MED27: variants seen among roughly 807,000 people sequenced by gnomAD.
The protein encoded by MED27 is mediator of RNA polymerase II transcription subunit 27.
Under a neutral mutation model 38.2 loss-of-function variants are expected in MED27, and 30 were observed. The ratio of observed to expected loss-of-function variants is 0.79; its 90% CI spans 0.59 to 1.07. The LOEUF (loss-of-function observed/expected upper bound fraction) is 1.07. Ranked by LOEUF, MED27 falls within the 50% of genes least tolerant of loss-of-function variation. The pLI is 0.00. For synonymous variants in MED27, 122 were observed against 153.5 expected (o/e 0.79, Z 1.52); for missense variants, 289 against 397.5 (o/e 0.73, Z 2.32).
intron 4 of MED27, among the ~76,000 whole-genome samples, chr9:131,911,476 A>G (rs1447489647): frequency 6.6e-6 from 1 of 152,220 alleles, no homozygotes; most frequent in East Asian, 1.9e-4. Context: ...AAGAGAGACC[A>G]AATAAGGGTT....
intron 4 of MED27, among the ~76,000 whole-genome samples, chr9:131,934,551 G>A (rs532940337): frequency 1.4e-4 from 21 of 152,184 alleles, no homozygotes; most frequent in Admixed American, 3.3e-4. Context: ...ATCCAAAGAC[G>A]GGCAATAACA....
chr9:131,902,811 C>G (rs1038590621), intron 4 of MED27, among the ~76,000 whole-genome samples: 6 of 152,186 alleles, frequency 3.9e-5, no homozygotes, highest in Non-Finnish European at 8.8e-5. Context: ...AAAAATGAGG[C>G]AGACAAACTG....
intron 2 of MED27, among the ~76,000 whole-genome samples, chr9:132,050,508 G>GTTTT (rs1833441684): frequency 6.6e-6 from 1 of 152,194 alleles, no homozygotes; most frequent in South Asian, 2.1e-4. Flanking sequence ...CTCTGTAAAA[G>GTTTT]ACAGGGTCCA....
chr9:132,000,923 T>C (rs2131056720), intron 3 of MED27, among the ~76,000 whole-genome samples: 1 of 151,744 alleles, frequency 6.6e-6, no homozygotes, highest in East Asian at 2.0e-4. Flanking sequence ...CAGTATATGC[T>C]AGGCCATCTT....
chr9:132,076,351 T>C (rs1337604957), intron 2 of MED27, among the ~76,000 whole-genome samples: 1 of 152,150 alleles, frequency 6.6e-6, no homozygotes, highest in African/African-American at 2.4e-5. Flanking sequence ...AGGCTAAATG[T>C]ATGCATTCAA....
intron 3 of MED27, among the ~76,000 whole-genome samples, chr9:131,948,357 T>G: frequency 6.6e-6 from 1 of 151,754 alleles, no homozygotes; most frequent in Admixed American, 6.6e-5. Flanking sequence ...CATGGTGGCA[T>G]GCGCCTGTAA....
chr9:131,916,045 A>G (rs1358413395), intron 4 of MED27, among the ~76,000 whole-genome samples: 4 of 152,244 alleles, frequency 2.6e-5, no homozygotes, highest in African/African-American at 7.2e-5. Context: ...ACCATAGACC[A>G]TATTAGTGTA....
At chr9:131,903,265 T>A (rs568663373) in intron 4 of MED27, among the ~76,000 whole-genome samples, 25 of 152,340 alleles carry the variant, frequency 1.6e-4, no homozygotes, top group Non-Finnish European at 3.1e-4. Flanking sequence ...AGAGAGCTTG[T>A]GCAGAGAACA....
chr9:131,975,051 A>C lies in MED27; in HGVS notation c.480-35577T>G, dbSNP rs561031784. On this transcript the variant is annotated intron_variant, in intron 3 of 7. Transcript: ENST00000292035. ...TCATCTGTTTTCATGCTGACCTTTA[A>C]GCCAAAGCAAAAAGCCACGAAAAGA... Among the ~76,000 whole-genome samples, 3 of 152,352 alleles carry C rather than the reference A, an allele frequency of 2.0e-5. No individual in the cohort carries two copies. In the South Asian group the frequency reaches 6.2e-4, roughly 32 times the overall value.
At chr9:132,023,066 G>C (rs1832751158) in intron 2 of MED27, among the ~76,000 whole-genome samples, 1 of 152,186 alleles carries the variant, frequency 6.6e-6, no homozygotes, top group Admixed American at 6.5e-5. Flanking sequence ...TGCAATGCTA[G>C]AGCCCTAATA....
chr9:132,043,955 C>T (rs1833277314), intron 2 of MED27, among the ~76,000 whole-genome samples: 1 of 152,206 alleles, frequency 6.6e-6, no homozygotes, highest in African/African-American at 2.4e-5. Context: ...GAGACTCATA[C>T]ACCGTAGTCA....
chr9:131,898,470 C>T (rs1158219225), intron 4 of MED27, among the ~76,000 whole-genome samples: 1 of 152,204 alleles, frequency 6.6e-6, no homozygotes, highest in Non-Finnish European at 1.5e-5. Flanking sequence ...CCGCCCTCGG[C>T]CTCCCAAAGT....
At chr9:131,962,368 C>G (rs1236769222) in intron 3 of MED27, among the ~76,000 whole-genome samples, 1 of 152,198 alleles carries the variant, frequency 6.6e-6, no homozygotes, top group Non-Finnish European at 1.5e-5. Flanking sequence ...TCCTGAGTAG[C>G]TGGCATTACA....
chr9:131,902,382 T>C (rs140226909), intron 4 of MED27, among the ~76,000 whole-genome samples: 70 of 152,114 alleles, frequency 4.6e-4, no homozygotes, highest in African/African-American at 1.5e-3. Context: ...ACTGTAAAAT[T>C]GGATACAACC....
intron 4 of MED27, among the ~76,000 whole-genome samples, chr9:131,936,604 G>T (rs1198970478): frequency 6.6e-6 from 1 of 152,238 alleles, no homozygotes; most frequent in African/African-American, 2.4e-5. Flanking sequence ...GGGATGGAAG[G>T]CGGTTAATAC....
chr9:132,047,653 T>G (rs1406904890), intron 2 of MED27, among the ~76,000 whole-genome samples: 1 of 152,180 alleles, frequency 6.6e-6, no homozygotes, highest in African/African-American at 2.4e-5. Flanking sequence ...AATATGTGTA[T>G]CAGTGGTAAA....
At chr9:131,942,951 C>T (rs1270804613) in intron 3 of MED27, among the ~76,000 whole-genome samples, 1 of 152,044 alleles carries the variant, frequency 6.6e-6, no homozygotes, top group African/African-American at 2.4e-5. Context: ...AAATAAGTTC[C>T]TAGGAAAAAT....
chr9:131,914,690 C>T (rs915482881), intron 4 of MED27, among the ~76,000 whole-genome samples: 11 of 152,260 alleles, frequency 7.2e-5, no homozygotes, highest in African/African-American at 2.2e-4. Flanking sequence ...ATGGGAAGCC[C>T]GTGGATTCTC....
At chr9:131,875,600 C>G (rs1838917035) in intron 6 of MED27, among the ~76,000 whole-genome samples, 2 of 152,142 alleles carry the variant, frequency 1.3e-5, no homozygotes, top group Non-Finnish European at 2.9e-5. Flanking sequence ...AGAAGTTGAC[C>G]AGGTGGTAGA....
Sources: allele counts gnomAD v4.1 joint callset (sites outside exome capture counted in the v4.1 genomes callset), GRCh38; gene constraint gnomAD v4.1.1; transcripts MANE v1.5; gene names NCBI Gene and HGNC (gene_info 2026-07-23, HGNC 2026-07-21).